DVL1: variants seen among roughly 807,000 people sequenced by gnomAD.
DVL1 encodes segment polarity protein dishevelled homolog DVL-1.
Under a neutral mutation model 65.0 loss-of-function variants are expected in DVL1, and 49 were observed. The ratio of observed to expected loss-of-function variants is 0.75; its 90% CI spans 0.60 to 0.96. The LOEUF is 0.96. Ranked by LOEUF, DVL1 falls within the 40% of genes least tolerant of loss-of-function variation. DVL1 has a pLI of 0.00. For synonymous variants in DVL1, 608 were observed against 433.9 expected (o/e 1.40, Z -4.99); for missense variants, 1,197 against 1,045.4 (o/e 1.15, Z -2.00).
Position 1,336,198 on chromosome 1 carries a change from G to T in DVL1, c.2032C>A (p.Gln678Lys). Residue 678 changes from glutamine to lysine, a missense_variant, in exon 15 of 15, where the codon CAG becomes AAG. Gln to Lys is a moderately conservative substitution (Grantham distance 53). Coordinates refer to ENST00000378888, the MANE Select transcript of DVL1 (RefSeq NM_001330311.2). ...TTCCCCATAGCCTTCTGGAAGGACT[G>T]GCGGCTGCCTGTCAATTCCGGGGGG... ...AVPPELTGSR[Q>K]SFQKAMGNPC... is the part of the protein sequence containing the mutation. 1 of 1,565,784 alleles carries T rather than the reference G, an allele frequency of 6.4e-7. No individual in the cohort carries two copies. The highest frequency in any genetic ancestry group is 2.3e-5 in the East Asian group (1 of 43,116).
intron 1 of DVL1, among the ~76,000 whole-genome samples, chr1:1,348,481 G>A (rs1032571142): frequency 6.6e-6 from 1 of 152,196 alleles, no homozygotes; most frequent in Non-Finnish European, 1.5e-5. Context: ...CTAGCAGACA[G>A]GTTGGTGAAC....
chr1:1,341,020 A>C (rs1643794589), intron 5 of DVL1, among the ~76,000 whole-genome samples: 1 of 140,550 alleles, frequency 7.1e-6, no homozygotes, highest in Non-Finnish European at 1.5e-5. Context: ...GCACCCCTGC[A>C]CAATGCACCC....
Position 1,342,444 on chromosome 1 carries a change from TG to T in DVL1, c.280del (p.Gln94ArgfsTer147). 1 of 1,606,258 alleles carries T rather than the reference TG, an allele frequency of 6.2e-7. No homozygotes were observed. ...CAGGTCTGTGTGGCTGTCCGTGCCCTGGGACCCCGCATCCGAGTGAGCACCC... is the reference window on the plus strand; with the variant it reads ...CAGGTCTGTGTGGCTGTCCGTGCCCTGGACCCCGCATCCGAGTGAGCACCC... ...AEGAHSDAGSQGTDSHTDLPP... is the reference protein window; with the variant it reads ...AEGAHSDAGSXGTDSHTDLPP... On this transcript the variant is annotated frameshift_variant, in exon 3 of 15. Coordinates refer to ENST00000378888, the MANE Select transcript of DVL1 (RefSeq NM_001330311.2). LOFTEE classifies it high-confidence loss of function.
Position 1,349,175 on chromosome 1 carries a change from C to A in DVL1, c.-110G>T. 1.5e-6 allele frequency: 1 copy of A among 664,398 alleles called. No individual in the cohort carries two copies. Among genetic ancestry groups the A allele is most frequent in the Non-Finnish European group, 1.9e-6 (1 of 540,240 alleles). 41.2% of individuals were successfully genotyped at this position (664,398 alleles called of 1,614,324 possible). A position where few individuals can be genotyped will look rare whatever the true frequency, so the allele number is the denominator to read the frequency against. ...CCCGCCCGGCCCGCACCGCTCTCGG[C>A]CCCGACGCTCCGAGGCCCCCGGGCG... On this transcript the variant is annotated 5_prime_UTR_variant, in exon 1 of 15. Coordinates refer to ENST00000378888, the MANE Select transcript of DVL1 (RefSeq NM_001330311.2). This position sits in a 1 kb window ranked among gnomAD's most constrained non-coding sequence, Gnocchi z 4.1.
intron 1 of DVL1, among the ~76,000 whole-genome samples, chr1:1,348,391 T>C (rs915567989): frequency 1.4e-4 from 21 of 152,172 alleles, no homozygotes; most frequent in African/African-American, 4.6e-4. Context: ...CAGTGGCCCT[T>C]GACCTCCACC....
chr1:1,338,535 G>C lies in DVL1; in HGVS notation c.1326C>G (p.Ala442=). Residue 442 remains alanine, a synonymous_variant, in exon 12 of 15, where the codon GCC becomes GCG. Transcript: ENST00000378888. ...RDRMWLKITI[A]NAVIGADVVD... ...ACGGCCACTCACCGATGACGGCATT[G>C]GCGATGGTGATCTTGAGCCACATGC... 6.2e-7 allele frequency: 1 copy of C among 1,612,610 alleles called. No homozygotes were observed. Among genetic ancestry groups the C allele is most frequent in the Non-Finnish European group, 8.5e-7 (1 of 1,179,848 alleles).
At position 1,348,878 on chromosome 1, in the gene DVL1, G is replaced by C. The variant is rs774298080; in HGVS notation, c.170+18C>G. On this transcript the variant is annotated intron_variant, in intron 1 of 14. Transcript: ENST00000378888. ...CCGAGCCCGCGCCAGGCTCGCGCAG[G>C]CCTCGCGGCCGACTGACCCGAAGTC... 3.3e-6 allele frequency: 5 copies of C among 1,519,794 alleles called. No individual in the cohort carries two copies. In the African/African-American group the frequency reaches 7.3e-5, roughly 22 times the overall value. 94.1% of individuals were successfully genotyped at this position (1,519,794 alleles called of 1,614,324 possible). A position where few individuals can be genotyped will look rare whatever the true frequency, so the allele number is the denominator to read the frequency against.
chr1:1,344,278 C>A (rs775796956), intron 1 of DVL1, among the ~76,000 whole-genome samples: 3 of 152,232 alleles, frequency 2.0e-5, no homozygotes, highest in Admixed American at 6.5e-5. Flanking sequence ...TGGCCGCACA[C>A]CTGGCAGGAA....
rs772191622 is a variant in DVL1 at position 1,342,079 on chromosome 1, C to T, written c.440G>A (p.Arg147His). 11 of 1,585,674 alleles carry T rather than the reference C, an allele frequency of 6.9e-6. No homozygotes were observed. Among genetic ancestry groups the T allele is most frequent in the African/African-American group, 4.0e-5 (3 of 74,498 alleles). The change falls in exon 4 of 15, where the codon CGT becomes CAT. Residue 147 changes from arginine (R) to histidine (H), a missense_variant. Transcript: ENST00000378888. ...TESMVSHRRE[R>H]ARRRNREEAA... is the part of the protein sequence containing the mutation. ...CTCCTCGCGGTTCCGGCGTCGGGCA[C>T]GCTCCCGCCGGTGACTGACCATGGA...
rs1160297819 is a variant in DVL1 at position 1,339,432 on chromosome 1, C to T, written c.1062G>A (p.Pro354=). ...AGGCGGCGGGGTCGATGGGCCGCAC[C>T]GGGTCAGCTGGGTGGCCGCCACGTG... ...RSYFTVPRAD[P]VRPIDPAAWL... is the part of the protein sequence containing the mutation. Residue 354 remains proline, a synonymous_variant, in exon 11 of 15, where the codon CCG becomes CCA. Coordinates refer to ENST00000378888, the MANE Select transcript of DVL1 (RefSeq NM_001330311.2). 9.0e-6 allele frequency: 12 copies of T among 1,326,684 alleles called. No individual in the cohort carries two copies. Among genetic ancestry groups the T allele is most frequent in the South Asian group, 3.7e-5 (3 of 81,022 alleles). The allele number at this position is 1,326,684 out of a possible 1,614,324, so 82.2% of individuals were successfully genotyped here.
At position 1,336,039 on chromosome 1, in the gene DVL1, T is replaced by C; in HGVS notation, c.*103A>G. 6.9e-7 allele frequency: 1 copy of C among 1,449,554 alleles called. No individual in the cohort carries two copies. The highest frequency in any genetic ancestry group is 9.2e-7 in the Non-Finnish European group (1 of 1,085,868). 89.8% of individuals were successfully genotyped at this position (1,449,554 alleles called of 1,614,324 possible). On this transcript the variant is annotated 3_prime_UTR_variant, in exon 15 of 15. Coordinates refer to ENST00000378888, the MANE Select transcript of DVL1 (RefSeq NM_001330311.2). ...TGGTGGTCCAGCCTGCCCCCCACCCTGCCTCCCGTCCTGGCCCCCACGAAG... is the reference window on the plus strand; with the variant it reads ...TGGTGGTCCAGCCTGCCCCCCACCCCGCCTCCCGTCCTGGCCCCCACGAAG...
chr1:1,340,943 A>ACG (rs1474822198), intron 5 of DVL1, among the ~76,000 whole-genome samples: 6 of 145,670 alleles, frequency 4.1e-5, no homozygotes, highest in Non-Finnish European at 9.0e-5. Flanking sequence ...ACACCTGCAC[A>ACG]CACGCACCCC....
intron 13 of DVL1, 40 bp downstream of exon 13, chr1:1,338,229 T>TGGCCGC: frequency 6.6e-7 from 1 of 1,522,366 alleles, no homozygotes; most frequent in Non-Finnish European, 9.0e-7. Context: ...CCTCCGGCGT[T>TGGCCGC]CCCCTCCCCC....
Position 1,342,052 on chromosome 1 carries a change from C to A in DVL1, c.466+1G>T. ...CAGCTGGGCAGACATGACCACTGTA[C>A]CCTCCTCGCGGTTCCGGCGTCGGGC... On this transcript the variant is annotated splice_donor_variant, in intron 4 of 14. Transcript: ENST00000378888. LOFTEE classifies it high-confidence loss of function. 6.4e-7 allele frequency: 1 copy of A among 1,572,238 alleles called. No homozygotes were observed. Among genetic ancestry groups the A allele is most frequent in the Non-Finnish European group, 8.6e-7 (1 of 1,158,952 alleles).
intron 11 of DVL1, 81 bp downstream of exon 11, chr1:1,339,206 C>T (rs1643696823): frequency 6.6e-7 from 1 of 1,524,754 alleles, no homozygotes. Flanking sequence ...ATGACGGCCA[C>T]AGGCGGCCAT....
chr1:1,341,665 A>C lies in DVL1; in HGVS notation c.605+2T>G. ...TACACGCCCACAGACACTCCCACAC[A>C]CCTGCTCGTGCTGCCATCCTCGTCC... On this transcript the variant is annotated splice_donor_variant, in intron 5 of 14. Coordinates refer to ENST00000378888, the MANE Select transcript of DVL1 (RefSeq NM_001330311.2). LOFTEE classifies it high-confidence loss of function. 1 of 1,602,222 alleles carries C rather than the reference A, an allele frequency of 6.2e-7. No individual in the cohort carries two copies. Among genetic ancestry groups the C allele is most frequent in the Non-Finnish European group, 8.5e-7 (1 of 1,171,440 alleles).
intron 1 of DVL1, among the ~76,000 whole-genome samples, chr1:1,347,362 C>T (rs898032020): frequency 2.6e-5 from 4 of 152,184 alleles, no homozygotes; most frequent in South Asian, 4.1e-4. Flanking sequence ...GGCACCCACG[C>T]GTCCTCCAAA....
Position 1,335,835 on chromosome 1 carries a change from T to G in DVL1, c.*307A>C. On this transcript the variant is annotated 3_prime_UTR_variant, in exon 15 of 15. Coordinates refer to ENST00000378888, the MANE Select transcript of DVL1 (RefSeq NM_001330311.2). Reference sequence around the variant, plus strand: ...GGCCTGGGCACAGCTGTGCAGGAGGTGGGGGTCAGCCGAGAGCCCGAGGGG... The same window carrying G: ...GGCCTGGGCACAGCTGTGCAGGAGGGGGGGGTCAGCCGAGAGCCCGAGGGG... 4.6e-6 allele frequency: 2 copies of G among 438,296 alleles called. No individual in the cohort carries two copies. The highest frequency in any genetic ancestry group is 2.7e-5 in the South Asian group (1 of 37,534). The allele number at this position is 438,296 out of a possible 1,614,324, so 27.2% of individuals were successfully genotyped here.
In DVL1 at chr1:1,340,588, C is replaced by T. The variant is rs1365173420; in HGVS notation, c.606-85G>A. 9 of 1,432,496 alleles carry T rather than the reference C, an allele frequency of 6.3e-6. No homozygotes were observed. The East Asian group carries it at 7.5e-5, about 12-fold the overall frequency. 88.7% of individuals were successfully genotyped at this position (1,432,496 alleles called of 1,614,324 possible). On this transcript the variant is annotated intron_variant, in intron 5 of 14. Transcript: ENST00000378888. ...CGCTCCCCCAATACTGAGTGGGAAT[C>T]GGGGGTCTAGGCCAGGCTTGTTCCA...
Sources: allele counts gnomAD v4.1 joint callset (sites outside exome capture counted in the v4.1 genomes callset), GRCh38; gene constraint gnomAD v4.1.1; non-coding constraint Gnocchi (gnomAD v3.1); transcripts MANE v1.5; gene names NCBI Gene and HGNC (gene_info 2026-07-23, HGNC 2026-07-21).